HUNK: variants seen among roughly 807,000 people sequenced by gnomAD.
The protein encoded by HUNK is hormonally up-regulated neu tumor-associated kinase.
A neutral mutation model predicts 61.0 loss-of-function variants in HUNK; 21 were observed. The observed-to-expected ratio is 0.34, with a 90% CI of 0.24 to 0.50. The LOEUF is 0.50. HUNK is among the 20% of genes least tolerant of loss of function. HUNK has a pLI of 0.98. For synonymous variants in HUNK, 371 were observed against 386.1 expected (o/e 0.96, Z 0.46); for missense variants, 772 against 945.7 (o/e 0.82, Z 2.41).
At chr21:31,941,777 G>A (rs1011295107) in intron 3 of HUNK, among the ~76,000 whole-genome samples, 8 of 152,194 alleles carry the variant, frequency 5.3e-5, no homozygotes, top group Non-Finnish European at 8.8e-5. Flanking sequence ...TGTGGGGTAG[G>A]GAATGGAGGA....
chr21:31,889,200 A>G (rs1454472909), intron 1 of HUNK, among the ~76,000 whole-genome samples: 2 of 152,212 alleles, frequency 1.3e-5, no homozygotes, highest in Admixed American at 6.5e-5. Context: ...CTTTTGCCTT[A>G]TTATGCTGAC....
chr21:31,906,273 A>T (rs1437692997), intron 1 of HUNK, among the ~76,000 whole-genome samples: 1 of 152,096 alleles, frequency 6.6e-6, no homozygotes, highest in African/African-American at 2.4e-5. Flanking sequence ...TTTGCCTAGG[A>T]TTTCTCAGTG....
chr21:31,892,199 AGAGAGAGAGAGT>A (rs1470966080), intron 1 of HUNK, among the ~76,000 whole-genome samples: 30 of 146,790 alleles, frequency 2.0e-4, no homozygotes, highest in African/African-American at 6.2e-4. Flanking sequence ...AGAGAGAGAG[AGAGAGAGAGAGT>A]GTGTGTGTGT....
At chr21:31,891,399 G>T (rs1739902235) in intron 1 of HUNK, among the ~76,000 whole-genome samples, 1 of 152,172 alleles carries the variant, frequency 6.6e-6, no homozygotes, top group South Asian at 2.1e-4. Context: ...AAAAAGAAAA[G>T]AAACAGCTGG....
At chr21:31,977,471 A>T (rs2053058140) in intron 7 of HUNK, among the ~76,000 whole-genome samples, 1 of 152,268 alleles carries the variant, frequency 6.6e-6, no homozygotes, top group Non-Finnish European at 1.5e-5. Context: ...TACTTTCCCA[A>T]GTAAGTTAAC....
chr21:31,902,522 AT>A (rs1262456982), intron 1 of HUNK, among the ~76,000 whole-genome samples: 1 of 152,102 alleles, frequency 6.6e-6, no homozygotes, highest in Non-Finnish European at 1.5e-5. Flanking sequence ...AAAAAAAAAA[AT>A]CTTCTTCCTC....
At chr21:31,885,226 C>T (rs148786343) in intron 1 of HUNK, among the ~76,000 whole-genome samples, 12 of 152,310 alleles carry the variant, frequency 7.9e-5, no homozygotes, top group African/African-American at 1.4e-4. Flanking sequence ...AGAGCCATTA[C>T]GTAACTTGGA....
In HUNK at chr21:31,970,548, C is replaced by T. The variant is rs117569391; in HGVS notation, c.1010+2163C>T. Among the ~76,000 whole-genome samples, 6 of 152,286 alleles carry T rather than the reference C, an allele frequency of 3.9e-5. No individual in the cohort carries two copies. In the East Asian group the frequency reaches 7.7e-4, roughly 20 times the overall value. On this transcript the variant is annotated intron_variant, in intron 6 of 10. Coordinates refer to ENST00000270112, the MANE Select transcript of HUNK (RefSeq NM_014586.2). ...AGGACCTTGCCTCATTATCCATACT[C>T]ATGATGGAGAGCAGCACGCAGGTAT...
At position 31,878,274 on chromosome 21, in the gene HUNK, AAAAAG is replaced by A. The variant is rs1163126568; in HGVS notation, c.261+4341_261+4345del. Reference sequence around the variant, plus strand: ...ACTCCATCTCAAAAAAAAAAAAAAAAAAAAGAGTTTAAGATTTTAAATTTCCATAA... The same window carrying A: ...ACTCCATCTCAAAAAAAAAAAAAAAAAGTTTAAGATTTTAAATTTCCATAA... On this transcript the variant is annotated intron_variant, in intron 1 of 10. Coordinates refer to ENST00000270112, the MANE Select transcript of HUNK (RefSeq NM_014586.2). Among the ~76,000 whole-genome samples the A allele has an allele frequency of 2.0e-3, 297 of 151,952 alleles. 1 individual carries two copies. Among genetic ancestry groups the A allele is most frequent in the African/African-American group, 6.6e-3 (274 of 41,410 alleles).
intron 1 of HUNK, among the ~76,000 whole-genome samples, chr21:31,899,991 T>A (rs1278692920): frequency 6.6e-6 from 1 of 152,140 alleles, no homozygotes; most frequent in African/African-American, 2.4e-5. Flanking sequence ...GCCAGGTTGG[T>A]CTTGAACTCC....
At chr21:31,974,371 A>T in intron 6 of HUNK, 184 bp from the exon 7 acceptor site, 1 of 483,330 alleles carries the variant, frequency 2.1e-6, no homozygotes, top group Non-Finnish European at 3.6e-6. Flanking sequence ...TATCTAGATG[A>T]TGGTATACAT....
intron 1 of HUNK, among the ~76,000 whole-genome samples, chr21:31,920,372 A>G (rs556210026): frequency 2.6e-5 from 4 of 152,248 alleles, no homozygotes; most frequent in Non-Finnish European, 5.9e-5. Context: ...GAAGAACTCA[A>G]TAAGGTATCT....
chr21:31,917,296 G>A (rs958694111), intron 1 of HUNK, among the ~76,000 whole-genome samples: 11 of 151,804 alleles, frequency 7.2e-5, no homozygotes, highest in African/African-American at 2.2e-4. Context: ...AGACTCAAGC[G>A]ATCCTCTCAC....
intron 1 of HUNK, among the ~76,000 whole-genome samples, chr21:31,911,074 G>A (rs891568253): frequency 3.9e-5 from 6 of 152,152 alleles, no homozygotes; most frequent in African/African-American, 9.7e-5. Flanking sequence ...GGGAGGACAC[G>A]ACTTAGCCCA....
chr21:31,875,860 T>G (rs8129628), intron 1 of HUNK, among the ~76,000 whole-genome samples: 89,871 of 151,708 alleles, frequency 0.59, 28,132 homozygotes, highest in African/African-American at 0.78. Context: ...TTTTCTGGCT[T>G]CCCTCCACCT....
At chr21:31,915,825 C>T (rs2052577864) in intron 1 of HUNK, among the ~76,000 whole-genome samples, 1 of 152,102 alleles carries the variant, frequency 6.6e-6, no homozygotes, top group African/African-American at 2.4e-5. Flanking sequence ...TACTCTATTC[C>T]AGAGAGTTGA....
Position 31,998,601 on chromosome 21 carries a change from T to C in HUNK, c.1562T>C (p.Ile521Thr). The change falls in exon 11 of 11, where the codon ATC (isoleucine) becomes ACC (threonine). Residue 521 changes from isoleucine (I) to threonine (T), a missense_variant. By Grantham distance (89) the Ile-to-Thr change is moderately conservative. Transcript: ENST00000270112. ...NCVASSSMEF[I>T]PVPPPRTPRI... The stretch of plus-strand genomic sequence containing the variant: ...GTGGCTTCTTCTTCCATGGAGTTCA[T>C]CCCCGTGCCACCGCCCAGGACCCCG... The C allele has an allele frequency of 6.2e-7, 1 of 1,613,848 alleles. No individual in the cohort carries two copies. The highest frequency in any genetic ancestry group is 2.2e-5 in the East Asian group (1 of 44,860).
chr21:31,924,393 G>A lies in HUNK; in HGVS notation c.262-75G>A. Reference sequence around the variant, plus strand: ...AGAGACATAGCTAGCATTTTTCTTGGGTTCCTGTGAGTAGCCAAGGCATCG... The same window carrying A: ...AGAGACATAGCTAGCATTTTTCTTGAGTTCCTGTGAGTAGCCAAGGCATCG... On this transcript the variant is annotated intron_variant, in intron 1 of 10. Transcript: ENST00000270112. The surrounding 1 kb of genome is among the most constrained non-coding windows in gnomAD (Gnocchi z 5.1). 3 of 1,399,518 alleles carry A rather than the reference G, an allele frequency of 2.1e-6. No homozygotes were observed. The South Asian group carries it at 4.2e-5, about 19-fold the overall frequency. 86.7% of individuals were successfully genotyped at this position (1,399,518 alleles called of 1,614,324 possible).
chr21:31,989,335 C>T (rs181698950), intron 8 of HUNK, among the ~76,000 whole-genome samples: 50 of 152,228 alleles, frequency 3.3e-4, no homozygotes, highest in Non-Finnish European at 1.3e-4. Flanking sequence ...AAAATATTCA[C>T]TTTGTGTCTT....
Sources: gnomAD v4.1 joint callset for allele counts (sites outside exome capture counted in the v4.1 genomes callset) on GRCh38, gnomAD v4.1.1 for gene constraint, Gnocchi (gnomAD v3.1) non-coding constraint, MANE v1.5 for transcripts, NCBI Gene and HGNC (gene_info 2026-07-23, HGNC 2026-07-21) for gene names.